The following AKAP6 variants were observed in gnomAD, a reference collection of about 807,000 sequenced individuals.
The protein encoded by AKAP6 is A-kinase anchoring protein 6, also known as A-kinase anchor protein 6.
Under a neutral mutation model 188.5 loss-of-function variants are expected in AKAP6, and 58 were observed. That is an observed-to-expected ratio of 0.31 (90% CI 0.25 to 0.38). AKAP6 has a LOEUF of 0.38. AKAP6 is among the 10% of genes least tolerant of loss of function. The pLI is 1.00. For synonymous variants in AKAP6, 989 were observed against 998.6 expected (o/e 0.99, Z 0.18); for missense variants, 2,710 against 2,740.0 (o/e 0.99, Z 0.24).
intron 9 of AKAP6, among the ~76,000 whole-genome samples, chr14:32,708,567 A>C (rs1000388705): frequency 6.6e-6 from 1 of 152,052 alleles, no homozygotes; most frequent in East Asian, 1.9e-4. Context: ...TTTCTCCCAC[A>C]TTTTCATTTT....
intron 2 of AKAP6, among the ~76,000 whole-genome samples, chr14:32,446,116 A>G (rs993331116): frequency 5.3e-5 from 8 of 152,214 alleles, no homozygotes; most frequent in Non-Finnish European, 1.2e-4. Flanking sequence ...TACCATAAGA[A>G]GAGATTCAAA....
chr14:32,486,390 T>G (rs1184676064), intron 2 of AKAP6, among the ~76,000 whole-genome samples: 1 of 152,214 alleles, frequency 6.6e-6, no homozygotes, highest in Non-Finnish European at 1.5e-5. Context: ...GCATTGAATC[T>G]TTAAATTAAT....
intron 7 of AKAP6, among the ~76,000 whole-genome samples, chr14:32,631,550 T>C (rs1488868180): frequency 6.6e-6 from 1 of 152,066 alleles, no homozygotes; most frequent in African/African-American, 2.4e-5. Flanking sequence ...TATTGATCTC[T>C]TGAGAGCAGT....
chr14:32,548,093 CT>C (rs71115082), intron 4 of AKAP6, among the ~76,000 whole-genome samples: 35,450 of 104,018 alleles, frequency 0.34, 4,960 homozygotes, highest in Non-Finnish European at 0.41. Context: ...CTCCCACATG[CT>C]TTTTTTTTTT....
intron 7 of AKAP6, among the ~76,000 whole-genome samples, chr14:32,632,086 T>G (rs1203159196): frequency 1.3e-5 from 2 of 152,066 alleles, no homozygotes; most frequent in East Asian, 3.9e-4. Flanking sequence ...TTGTTTGTTT[T>G]TTGTTTTTAA....
At chr14:32,606,719 G>A (rs893960982) in intron 7 of AKAP6, among the ~76,000 whole-genome samples, 3 of 152,110 alleles carry the variant, frequency 2.0e-5, no homozygotes, top group Admixed American at 6.6e-5. Context: ...CTAGGATTGT[G>A]CTCATTTTAT....
chr14:32,800,225 CATATACAAAAATATAT>C (rs1473913263), intron 12 of AKAP6, among the ~76,000 whole-genome samples: 9 of 146,558 alleles, frequency 6.1e-5, no homozygotes, highest in Non-Finnish European at 1.2e-4. Flanking sequence ...TCTATATATA[CATATACAAAAATATAT>C]ATATACAAAA....
At chr14:32,457,783 A>G (rs1424780709) in intron 2 of AKAP6, among the ~76,000 whole-genome samples, 2 of 152,222 alleles carry the variant, frequency 1.3e-5, no homozygotes, top group Non-Finnish European at 2.9e-5. Flanking sequence ...ATCTCTGTTT[A>G]GATAGAGATG....
intron 11 of AKAP6, among the ~76,000 whole-genome samples, chr14:32,750,982 C>G (rs923559200): frequency 1.1e-4 from 17 of 151,926 alleles, no homozygotes; most frequent in Admixed American, 9.2e-4. Context: ...TGATCCACCC[C>G]CTTGGCCTCT....
chr14:32,481,713 G>A (rs980493274), intron 2 of AKAP6, among the ~76,000 whole-genome samples: 2 of 152,118 alleles, frequency 1.3e-5, no homozygotes, highest in African/African-American at 2.4e-5. Flanking sequence ...ATGAGATTTC[G>A]GTGGGGACAC....
intron 11 of AKAP6, among the ~76,000 whole-genome samples, chr14:32,770,938 A>G (rs2032879440): frequency 6.6e-6 from 1 of 152,156 alleles, no homozygotes; most frequent in Non-Finnish European, 1.5e-5. Flanking sequence ...TCTGTGCTTT[A>G]CTTAGGTTAC....
intron 1 of AKAP6, among the ~76,000 whole-genome samples, chr14:32,403,753 A>G (rs534428426): frequency 9.2e-4 from 140 of 152,344 alleles, no homozygotes; most frequent in African/African-American, 3.2e-3. Context: ...AACATAATGT[A>G]AGTGTTAGCT....
intron 1 of AKAP6, among the ~76,000 whole-genome samples, chr14:32,389,702 G>A (rs935474849): frequency 6.6e-6 from 1 of 152,158 alleles, no homozygotes; most frequent in African/African-American, 2.4e-5. Context: ...TAGGGTTTCT[G>A]CTGATAAATC....
At chr14:32,510,257 G>T (rs1440926173) in intron 2 of AKAP6, among the ~76,000 whole-genome samples, 1 of 151,082 alleles carries the variant, frequency 6.6e-6, no homozygotes, top group Non-Finnish European at 1.5e-5. Context: ...GCTAGATCTT[G>T]CATATGCCAA....
chr14:32,771,612 G>T (rs530445799), intron 11 of AKAP6, among the ~76,000 whole-genome samples: 1 of 152,296 alleles, frequency 6.6e-6, no homozygotes, highest in Admixed American at 6.5e-5. Flanking sequence ...GGTGAATGAA[G>T]TCTGTTTGGG....
chr14:32,525,762 T>C (rs1440314977), intron 2 of AKAP6, among the ~76,000 whole-genome samples: 1 of 152,184 alleles, frequency 6.6e-6, no homozygotes, highest in Non-Finnish European at 1.5e-5. Context: ...TTCACAAACA[T>C]CCTTTGCATC....
intron 1 of AKAP6, among the ~76,000 whole-genome samples, chr14:32,354,065 A>G (rs923615526): frequency 1.3e-5 from 2 of 152,172 alleles, no homozygotes; most frequent in African/African-American, 4.8e-5. Flanking sequence ...TGCCATCCCC[A>G]TCAAGCTACC....
At chr14:32,573,442 A>G (rs1398053641) in intron 4 of AKAP6, among the ~76,000 whole-genome samples, 2 of 152,200 alleles carry the variant, frequency 1.3e-5, no homozygotes, top group African/African-American at 4.8e-5. Context: ...TTACAGACAG[A>G]ATTCCGATAC....
intron 2 of AKAP6, among the ~76,000 whole-genome samples, chr14:32,475,678 C>CTTT (rs11156748): frequency 7.3e-5 from 9 of 123,656 alleles, no homozygotes; most frequent in Admixed American, 8.3e-5. Context: ...ATTTTCAGCT[C>CTTT]TTTTTTTTTT....
Sources: gnomAD v4.1 joint callset for allele counts (sites outside exome capture counted in the v4.1 genomes callset) on GRCh38, gnomAD v4.1.1 for gene constraint, MANE v1.5 for transcripts, NCBI Gene and HGNC (gene_info 2026-07-23, HGNC 2026-07-21) for gene names.